Variants in FAR2 observed in about 807,000 individuals in gnomAD.
The protein encoded by FAR2 is fatty acyl-CoA reductase 2.
Under a neutral mutation model 56.0 loss-of-function variants are expected in FAR2, and 19 were observed. That is an observed-to-expected ratio of 0.34 (90% CI 0.24 to 0.50). The LOEUF (loss-of-function observed/expected upper bound fraction) is 0.50, where lower values mean the gene tolerates loss of function less well. Ranked by LOEUF, FAR2 falls within the 20% of genes least tolerant of loss-of-function variation. The pLI is 0.98. For missense variants in FAR2, 508 were observed against 642.2 expected, an observed-to-expected ratio of 0.79 and a Z score of 2.26; for synonymous variants, 219 against 218.8, an observed-to-expected ratio of 1.00 and a Z score of -0.01.
chr12:29,280,343 A>G (rs1386133452), intron 2 of FAR2: 2 of 152,240 alleles, frequency 1.3e-5, no homozygotes, highest in East Asian at 1.9e-4. Flanking sequence ...CTTATCAAGG[A>G]TGTATATATT....
At chr12:29,255,181 G>A (rs1359924080) in intron 1 of FAR2, among the ~76,000 whole-genome samples, 1 of 152,082 alleles carries the variant, frequency 6.6e-6, no homozygotes, top group African/African-American at 2.4e-5. Flanking sequence ...CAAGATCAAG[G>A]TGGTGATAAA....
intron 6 of FAR2, 72 bp from the exon 7 acceptor site, chr12:29,310,956 G>C (rs373067009): frequency 2.7e-6 from 3 of 1,111,416 alleles, no homozygotes; most frequent in Middle Eastern, 4.0e-4. Context: ...TAACCAGTTT[G>C]ATGATACATA....
intron 1 of FAR2, among the ~76,000 whole-genome samples, chr12:29,237,971 G>A (rs562025174): frequency 1.4e-4 from 21 of 152,230 alleles, no homozygotes; most frequent in African/African-American, 4.1e-4. Flanking sequence ...ACCAATGCAC[G>A]ATGTTAAAAC....
intron 10 of FAR2, among the ~76,000 whole-genome samples, chr12:29,322,987 T>C (rs1949578107): frequency 6.6e-6 from 1 of 152,178 alleles, no homozygotes; most frequent in Admixed American, 6.5e-5. Context: ...ACCCGGTACC[T>C]CAGTTGGAAA....
intron 1 of FAR2, among the ~76,000 whole-genome samples, chr12:29,190,466 A>AATTT (rs1950093739): frequency 1.3e-5 from 2 of 151,336 alleles, no homozygotes; most frequent in African/African-American, 2.4e-5. Flanking sequence ...TTAATTAATT[A>AATTT]ATTTATTTAT....
intron 2 of FAR2, chr12:29,293,068 T>C (rs572671611): frequency 3.1e-6 from 1 of 320,850 alleles, no homozygotes; most frequent in East Asian, 5.3e-5. Flanking sequence ...GTTTTTACCA[T>C]GTTGCGCAGG....
intron 1 of FAR2, chr12:29,156,769 T>C (rs4930855): frequency 0.66 from 99,730 of 151,834 alleles, 34,496 homozygotes; most frequent in Non-Finnish European, 0.76. Flanking sequence ...TCAGAATCTT[T>C]GGCGTGAGGA....
At chr12:29,295,298 TC>T (rs1469604203) in intron 3 of FAR2, among the ~76,000 whole-genome samples, 1 of 152,206 alleles carries the variant, frequency 6.6e-6, no homozygotes, top group Non-Finnish European at 1.5e-5. Context: ...GGTCTTGAAC[TC>T]CTGACCTCAG....
chr12:29,255,868 TTTTA>T (rs1220537011), intron 1 of FAR2, among the ~76,000 whole-genome samples: 1 of 152,088 alleles, frequency 6.6e-6, no homozygotes, highest in Non-Finnish European at 1.5e-5. Context: ...ATTATTTTTA[TTTTA>T]TTTATTTCTT....
chr12:29,202,171 C>T (rs1947425390), intron 1 of FAR2, among the ~76,000 whole-genome samples: 2 of 152,086 alleles, frequency 1.3e-5, no homozygotes, highest in South Asian at 2.1e-4. Flanking sequence ...CTTATGTTGT[C>T]ACCATCATTT....
chr12:29,214,590 G>C (rs1351367665), intron 1 of FAR2, among the ~76,000 whole-genome samples: 1 of 152,146 alleles, frequency 6.6e-6, no homozygotes, highest in African/African-American at 2.4e-5. Flanking sequence ...GGGAGACTGA[G>C]GTGGGTGGAT....
At chr12:29,259,459 T>C (rs372471971) in intron 1 of FAR2, among the ~76,000 whole-genome samples, 1 of 152,230 alleles carries the variant, frequency 6.6e-6, no homozygotes, top group African/African-American at 2.4e-5. Flanking sequence ...TTTGGATAAA[T>C]TTGTCTTTCT....
Position 29,311,161 on chromosome 12 carries a change from G to A in FAR2, c.887+15G>A, listed in dbSNP as rs1307354593. On this transcript the variant is annotated intron_variant, in intron 7 of 11. Transcript: ENST00000536681. Reference sequence around the variant, plus strand: ...GCAGTTCACAGGTGTGGATGCTCAAGTGGGCTTTCAAAGACTTCATGAGGG... The same window carrying A: ...GCAGTTCACAGGTGTGGATGCTCAAATGGGCTTTCAAAGACTTCATGAGGG... 3 of 1,583,960 alleles carry A rather than the reference G, an allele frequency of 1.9e-6. No individual in the cohort carries two copies. The highest frequency in any genetic ancestry group is 1.7e-6 in the Non-Finnish European group (2 of 1,152,974).
intron 1 of FAR2, among the ~76,000 whole-genome samples, chr12:29,182,899 C>G (rs1950004687): frequency 6.6e-6 from 1 of 151,112 alleles, no homozygotes; most frequent in African/African-American, 2.4e-5. Flanking sequence ...TCTGCCCCTT[C>G]AGGAGGAATT....
chr12:29,150,796 G>T (rs1303827150), intron 1 of FAR2, among the ~76,000 whole-genome samples: 1 of 152,148 alleles, frequency 6.6e-6, no homozygotes, highest in Non-Finnish European at 1.5e-5. Flanking sequence ...GGCTGCTTCT[G>T]CCCCTGCTGT....
chr12:29,229,502 T>C (rs1947820351), intron 1 of FAR2, among the ~76,000 whole-genome samples: 1 of 152,138 alleles, frequency 6.6e-6, no homozygotes, highest in South Asian at 2.1e-4. Context: ...AGGTCTGTTT[T>C]TAAAAAAGAA....
intron 4 of FAR2, among the ~76,000 whole-genome samples, chr12:29,305,084 T>A (rs1438572520): frequency 2.0e-5 from 3 of 152,190 alleles, no homozygotes; most frequent in Admixed American, 6.5e-5. Flanking sequence ...TCTGTTTGGC[T>A]GTATTATAAG....
chr12:29,327,106 A>G (rs950927934), intron 10 of FAR2, among the ~76,000 whole-genome samples: 2 of 152,220 alleles, frequency 1.3e-5, no homozygotes, highest in Non-Finnish European at 2.9e-5. Context: ...CTATACACCA[A>G]TGACAGACAA....
chr12:29,328,324 A>G (rs1009473974), intron 10 of FAR2, among the ~76,000 whole-genome samples: 4 of 152,228 alleles, frequency 2.6e-5, no homozygotes, highest in Non-Finnish European at 5.9e-5. Flanking sequence ...AAACTAGTTC[A>G]ACCATTGTGG....
Sources: allele counts gnomAD v4.1 joint callset (sites outside exome capture counted in the v4.1 genomes callset), GRCh38; gene constraint gnomAD v4.1.1; transcripts MANE v1.5; gene names NCBI Gene and HGNC (gene_info 2026-07-23, HGNC 2026-07-21).